RGS6: variants seen among roughly 807,000 people sequenced by gnomAD.
The protein encoded by RGS6 is regulator of G protein signaling 6, also known as regulator of G-protein signaling 6.
A neutral mutation model predicts 78.5 loss-of-function variants in RGS6; 30 were observed. The ratio of observed to expected loss-of-function variants is 0.38; its 90% CI spans 0.29 to 0.52. The LOEUF is 0.52. Among genes scored for constraint, RGS6 ranks in the 20% least tolerant of loss-of-function variants. The pLI is 0.85. For missense variants in RGS6, 495 were observed against 609.7 expected, an observed-to-expected ratio of 0.81 and a Z score of 1.98; for synonymous variants, 206 against 206.0, an observed-to-expected ratio of 1.00 and a Z score of 0.00.
In RGS6 at chr14:72,179,025, G is replaced by A. The variant is rs181357709; in HGVS notation, c.85-173070G>A. 1.5e-4 allele frequency among the ~76,000 whole-genome samples: 23 copies of A among 152,226 alleles called. No individual in the cohort carries two copies. The East Asian group carries it at 3.7e-3, about 24-fold the overall frequency. Reference sequence around the variant, plus strand: ...ATCCAGCACATATTTCTGACCTGGCGAAAACTAAGAATATCTCAATCATAA... The same window carrying A: ...ATCCAGCACATATTTCTGACCTGGCAAAAACTAAGAATATCTCAATCATAA... On this transcript the variant is annotated intron_variant, in intron 2 of 17. Transcript: ENST00000553525.
chr14:72,432,516 C>A (rs2094693454), intron 3 of RGS6, among the ~76,000 whole-genome samples: 1 of 152,178 alleles, frequency 6.6e-6, no homozygotes, highest in Non-Finnish European at 1.5e-5. Context: ...GGAAGAGAGA[C>A]CCAGAACATT....
chr14:72,287,845 T>G (rs912657303), intron 2 of RGS6, among the ~76,000 whole-genome samples: 2 of 152,238 alleles, frequency 1.3e-5, no homozygotes, highest in African/African-American at 4.8e-5. Context: ...CTGCATCTAT[T>G]GAGATGATTG....
Position 72,446,281 on chromosome 14 carries a change from C to T in RGS6, c.185-8247C>T, listed in dbSNP as rs141214257. Among the ~76,000 whole-genome samples, 658 of 152,270 alleles carry T rather than the reference C, an allele frequency of 4.3e-3. 1 individual carries two copies. Among genetic ancestry groups the T allele is most frequent in the Non-Finnish European group, 7.4e-3 (502 of 68,032 alleles). On this transcript the variant is annotated intron_variant, in intron 3 of 17. Transcript: ENST00000553525. The stretch of plus-strand genomic sequence containing the variant: ...CAATAAATTGCTGTTGTCTAAGCCA[C>T]CCAGTTTGTGATACCTTGTCATGGA...
chr14:72,053,626 T>C (rs1162647097), intron 2 of RGS6, among the ~76,000 whole-genome samples: 5 of 152,236 alleles, frequency 3.3e-5, no homozygotes, highest in Non-Finnish European at 7.3e-5. Flanking sequence ...CTAAGGGCTA[T>C]TATGTTTCTG....
At chr14:72,175,859 A>G (rs1002422579) in intron 2 of RGS6, among the ~76,000 whole-genome samples, 1 of 152,214 alleles carries the variant, frequency 6.6e-6, no homozygotes, top group African/African-American at 2.4e-5. Flanking sequence ...GGATTGAGGA[A>G]ACTGACCTAG....
the RGS6 span, among the ~76,000 whole-genome samples, chr14:72,627,808 T>C: frequency 2.0e-5 from 3 of 152,094 alleles, no homozygotes; most frequent in Non-Finnish European, 4.4e-5. Context: ...AATTTGTTCT[T>C]TGTGTTTTTG....
intron 1 of RGS6, among the ~76,000 whole-genome samples, chr14:71,960,308 G>T (rs1348656834): frequency 1.3e-5 from 2 of 152,136 alleles, no homozygotes; most frequent in Non-Finnish European, 2.9e-5. Flanking sequence ...TCCAGAAGTG[G>T]ATTGCTGAGT....
chr14:72,570,065 G>A (rs1358304963), downstream of RGS6, among the ~76,000 whole-genome samples: 1 of 152,208 alleles, frequency 6.6e-6, no homozygotes, highest in Non-Finnish European at 1.5e-5. Flanking sequence ...GCTACTTAGA[G>A]TCAGCCCTCT....
downstream of RGS6, among the ~76,000 whole-genome samples, chr14:72,567,916 T>A (rs991710505): frequency 6.6e-6 from 1 of 152,232 alleles, no homozygotes; most frequent in African/African-American, 2.4e-5. Flanking sequence ...ACACAGCCCT[T>A]CAGCGCCCAC....
At chr14:72,015,389 G>A (rs1192804238) in intron 2 of RGS6, among the ~76,000 whole-genome samples, 1 of 152,168 alleles carries the variant, frequency 6.6e-6, no homozygotes, top group Non-Finnish European at 1.5e-5. Flanking sequence ...CTCCAACATT[G>A]GGGATCAAAT....
At chr14:72,078,363 C>A (rs950082667) in intron 2 of RGS6, among the ~76,000 whole-genome samples, 1 of 152,100 alleles carries the variant, frequency 6.6e-6, no homozygotes, top group Middle Eastern at 3.4e-3. Context: ...ATTAAATCTT[C>A]CTTTATAAAT....
At chr14:72,501,920 A>T (rs922633568) in intron 13 of RGS6, among the ~76,000 whole-genome samples, 8 of 152,338 alleles carry the variant, frequency 5.3e-5, no homozygotes, top group African/African-American at 1.7e-4. Flanking sequence ...ATGCACAGCG[A>T]GTTTGACAGA....
chr14:72,350,409 T>A (rs2078892861), intron 2 of RGS6, among the ~76,000 whole-genome samples: 1 of 152,170 alleles, frequency 6.6e-6, no homozygotes, highest in Non-Finnish European at 1.5e-5. Flanking sequence ...TCTGCAGTTG[T>A]CCCTGATGTT....
At chr14:72,291,842 G>A (rs941243082) in intron 2 of RGS6, among the ~76,000 whole-genome samples, 8 of 152,116 alleles carry the variant, frequency 5.3e-5, no homozygotes, top group African/African-American at 9.7e-5. Context: ...AGTACTGAGC[G>A]CAATAGAAAG....
At chr14:72,607,801 G>A in the RGS6 span, among the ~76,000 whole-genome samples, 104 of 152,156 alleles carry the variant, frequency 6.8e-4, 1 homozygote, top group Middle Eastern at 9.5e-3. Flanking sequence ...GTCCCTGAAT[G>A]CGAACATCTC....
intron 2 of RGS6, among the ~76,000 whole-genome samples, chr14:72,092,738 AC>A (rs2095307628): frequency 6.6e-6 from 1 of 152,192 alleles, no homozygotes; most frequent in Non-Finnish European, 1.5e-5. Context: ...TTTTAGATTT[AC>A]AGAGCAGTTG....
chr14:72,069,724 G>C (rs188156131), intron 2 of RGS6, among the ~76,000 whole-genome samples: 42 of 152,124 alleles, frequency 2.8e-4, no homozygotes, highest in African/African-American at 9.9e-4. Context: ...ATTTTTAGTA[G>C]AGACGGGGTT....
chr14:72,437,553 G>A (rs902809432), intron 3 of RGS6, among the ~76,000 whole-genome samples: 4 of 152,124 alleles, frequency 2.6e-5, no homozygotes, highest in African/African-American at 9.7e-5. Context: ...GCACCTGGGG[G>A]CAGGGGTAGT....
At chr14:72,059,663 T>C (rs1389660457) in intron 2 of RGS6, among the ~76,000 whole-genome samples, 1 of 152,102 alleles carries the variant, frequency 6.6e-6, no homozygotes, top group Non-Finnish European at 1.5e-5. Context: ...ACCCCCAGTG[T>C]GATGGTATTT....
Sources: gnomAD v4.1 joint callset for allele counts (sites outside exome capture counted in the v4.1 genomes callset) on GRCh38, gnomAD v4.1.1 for gene constraint, MANE v1.5 for transcripts, NCBI Gene and HGNC (gene_info 2026-07-23, HGNC 2026-07-21) for gene names.